The following PSG11 variants were observed in gnomAD, a reference collection of about 807,000 sequenced individuals.
PSG11 encodes pregnancy specific beta-1-glycoprotein 11, also known as pregnancy-specific beta-1-glycoprotein 11.
A neutral mutation model predicts 36.0 loss-of-function variants in PSG11; 42 were observed. That is an observed-to-expected ratio of 1.17 (90% CI 0.91 to 1.51). The LOEUF (loss-of-function observed/expected upper bound fraction) is 1.51. Among genes scored for constraint, PSG11 ranks in the 40% most tolerant of loss-of-function variants. PSG11 has a pLI of 0.00. For synonymous variants in PSG11, 206 were observed against 153.5 expected (o/e 1.34, Z -2.53); for missense variants, 558 against 403.5 (o/e 1.38, Z -3.28).
intron 2 of PSG11, chr19:43,019,265 G>A (rs563498218): frequency 5.0e-5 from 53 of 1,062,332 alleles, no homozygotes; most frequent in East Asian, 3.3e-4. Context: ...GACTTTCTCA[G>A]GTGTGAATTG....
chr19:43,011,970 G>T lies in PSG11; in HGVS notation c.965-1929C>A, dbSNP rs1280619659. On this transcript the variant is annotated intron_variant, in intron 4 of 5. Transcript: ENST00000320078. The stretch of plus-strand genomic sequence containing the variant: ...TTATAATAAAATAATGATTATGAAA[G>T]TACTATAAATAATTGTATGCCAATA... Among the ~76,000 whole-genome samples, 5 of 148,770 alleles carry T rather than the reference G, an allele frequency of 3.4e-5. 1 individual carries two copies. Among genetic ancestry groups the T allele is most frequent in the Non-Finnish European group, 7.4e-5 (5 of 67,350 alleles).
chr19:43,015,422 G>A (rs369155738), intron 3 of PSG11, 52 bp from the exon 4 acceptor site: 8 of 1,559,672 alleles, frequency 5.1e-6, no homozygotes, highest in Admixed American at 3.6e-5. Flanking sequence ...GGAAGGGGAA[G>A]CTCCTTGTCT....
rs1973973215 is a variant in PSG11 at position 43,008,009 on chromosome 19, A to C, written c.*74T>G. On this transcript the variant is annotated 3_prime_UTR_variant, in exon 6 of 6. Transcript: ENST00000320078. ...TTGAAGTTATCAGGAACTTGTATTC[A>C]AGAGTCCTTTTCATAGTCTTTTCCA... is the stretch of plus-strand genomic sequence containing the variant. 8 of 402,068 alleles carry C rather than the reference A, an allele frequency of 2.0e-5. No individual in the cohort carries two copies. In the East Asian group the frequency reaches 2.5e-4, roughly 13 times the overall value. 24.9% of individuals were successfully genotyped at this position (402,068 alleles called of 1,614,324 possible).
chr19:43,025,329 C>G (rs1967217500), intron 1 of PSG11: 1 of 541,110 alleles, frequency 1.8e-6, no homozygotes, highest in Non-Finnish European at 3.0e-6. Flanking sequence ...TGTTTGGAAT[C>G]CTCTTCCCCA....
chr19:43,009,571 T>C lies in PSG11; in HGVS notation c.*40+387A>G, dbSNP rs530618385. ...GATTTTAGAAAGGTAATGAGGCAGT[T>C]ATATGCAAGGAACATTTCAAAGTCT... On this transcript the variant is annotated intron_variant, in intron 5 of 5. Coordinates refer to ENST00000320078, the MANE Select transcript of PSG11 (RefSeq NM_002785.3). Among the ~76,000 whole-genome samples the C allele has an allele frequency of 1.8e-3, 275 of 151,516 alleles. 5 individuals are homozygous for C. Among genetic ancestry groups the C allele is most frequent in the African/African-American group, 6.4e-3 (265 of 41,154 alleles).
intron 2 of PSG11, among the ~76,000 whole-genome samples, chr19:43,019,975 A>C (rs2122816950): frequency 6.6e-6 from 1 of 151,504 alleles, no homozygotes; most frequent in African/African-American, 2.4e-5. Context: ...AGTCTTGCAG[A>C]TACTTTCTCT....
intron 2 of PSG11, among the ~76,000 whole-genome samples, chr19:43,023,261 G>C (rs377043438): frequency 0.12 from 18,264 of 149,856 alleles, 1,675 homozygotes; most frequent in East Asian, 0.36. Flanking sequence ...CTGCATTCAA[G>C]ATCCAGTCTC....
At chr19:43,016,980 C>A (rs192013576) in intron 3 of PSG11, among the ~76,000 whole-genome samples, 1 of 151,390 alleles carries the variant, frequency 6.6e-6, no homozygotes, top group Non-Finnish European at 1.5e-5. Context: ...CAAGTAGTTT[C>A]TTTCATTGGA....
intron 3 of PSG11, among the ~76,000 whole-genome samples, chr19:43,016,584 G>T (rs1398101794): frequency 3.3e-5 from 5 of 151,498 alleles, no homozygotes; most frequent in Non-Finnish European, 5.9e-5. Flanking sequence ...GGGGAGACCA[G>T]AGTCAAGCCT....
intron 3 of PSG11, among the ~76,000 whole-genome samples, chr19:43,016,541 C>T (rs1178800199): frequency 6.6e-6 from 1 of 151,338 alleles, no homozygotes. Flanking sequence ...AGCAGCCTGG[C>T]CTGGGACTGG....
intron 3 of PSG11, among the ~76,000 whole-genome samples, chr19:43,016,227 G>A (rs1357958510): frequency 1.3e-5 from 2 of 151,264 alleles, no homozygotes; most frequent in Non-Finnish European, 2.9e-5. Context: ...CTGTGAGGCC[G>A]CCTGCTTCAT....
intron 2 of PSG11, 78 bp from the exon 3 acceptor site, chr19:43,019,126 C>A: frequency 6.4e-7 from 1 of 1,563,178 alleles, no homozygotes; most frequent in Admixed American, 1.8e-5. Flanking sequence ...TCAGAATTGG[C>A]ATTTGCCACC....
intron 5 of PSG11, chr19:43,008,246 A>G (rs1185038355): frequency 1.6e-5 from 3 of 186,102 alleles, no homozygotes; most frequent in African/African-American, 4.7e-5. Flanking sequence ...GATTTCCAGA[A>G]ATTTCATATA....
intron 2 of PSG11, 29 bp downstream of exon 2, chr19:43,024,662 A>G (rs1967192025): frequency 2.5e-6 from 4 of 1,609,420 alleles, no homozygotes; most frequent in Non-Finnish European, 3.4e-6. Flanking sequence ...CTGTCCCCCA[A>G]CACCCAGGGA....
chr19:43,013,239 C>A (rs865963985), intron 4 of PSG11, among the ~76,000 whole-genome samples: 1 of 151,294 alleles, frequency 6.6e-6, no homozygotes, highest in Non-Finnish European at 1.5e-5. Context: ...AAAGCATAGG[C>A]AACAAATAAA....
At chr19:43,025,173 A>ACG in intron 1 of PSG11, 117 bp from the exon 2 acceptor site, 1 of 1,394,632 alleles carries the variant, frequency 7.2e-7, no homozygotes. Flanking sequence ...ACACACACAC[A>ACG]CACACACACA....
intron 4 of PSG11, chr19:43,010,347 T>G: frequency 1.3e-6 from 2 of 1,522,818 alleles, no homozygotes; most frequent in South Asian, 1.3e-5. Flanking sequence ...CCTTTGCACC[T>G]TTTCATGGTT....
chr19:43,008,641 C>T (rs1973993322), intron 5 of PSG11, among the ~76,000 whole-genome samples: 1 of 151,056 alleles, frequency 6.6e-6, no homozygotes, highest in Admixed American at 6.6e-5. Context: ...TCACTTATCC[C>T]TTATTTGAAA....
Position 43,015,130 on chromosome 19 carries a change from G to T in PSG11, c.950C>A (p.Thr317Lys). The T allele has an allele frequency of 6.2e-7, 1 of 1,611,964 alleles. No homozygotes were observed. The highest frequency in any genetic ancestry group is 8.5e-7 in the Non-Finnish European group (1 of 1,178,954). Residue 317 changes from threonine (T) to lysine (K), a missense_variant, in exon 4 of 6, where the codon ACA (threonine) becomes AAA (lysine). By Grantham distance (78) the Thr-to-Lys change is moderately conservative (BLOSUM62 -1). Coordinates refer to ENST00000320078, the MANE Select transcript of PSG11 (RefSeq NM_002785.3). ...ATGEESSTSL[T>K]IRVIAPPGLG... ...GATCCACTTACCAATGACTCTGATT[G>T]TCAAGGATGTGGAGCTTTCCTCGCC...
Sources: gnomAD v4.1 joint callset for allele counts (sites outside exome capture counted in the v4.1 genomes callset) on GRCh38, gnomAD v4.1.1 for gene constraint, MANE v1.5 for transcripts, NCBI Gene and HGNC (gene_info 2026-07-23, HGNC 2026-07-21) for gene names.